NEK11: variants seen among roughly 807,000 people sequenced by gnomAD.
NEK11 encodes serine/threonine-protein kinase Nek11.
In NEK11, 72 loss-of-function variants were observed where a neutral mutation model predicts 80.7. That is an observed-to-expected ratio of 0.89 (90% CI 0.74 to 1.08). NEK11 has a LOEUF of 1.08. Ranked by LOEUF, NEK11 falls within the 50% of genes least tolerant of loss-of-function variation. NEK11 has a pLI of 0.00. For missense variants in NEK11, 764 were observed against 763.6 expected (o/e 1.00, Z -0.01); for synonymous variants, 251 against 260.7 (o/e 0.96, Z 0.36).
intron 14 of NEK11, among the ~76,000 whole-genome samples, chr3:131,214,707 G>GTGTGTA (rs1021792044): frequency 3.3e-5 from 5 of 151,638 alleles, no homozygotes; most frequent in African/African-American, 1.2e-4. Context: ...GTGTGTGTGT[G>GTGTGTA]TGTGTGTGTG....
intron 4 of NEK11, among the ~76,000 whole-genome samples, chr3:131,097,069 A>C (rs372825673): frequency 6.6e-6 from 1 of 151,622 alleles, no homozygotes; most frequent in Non-Finnish European, 1.5e-5. Flanking sequence ...TGAACTCATC[A>C]TTTTTTATGG....
chr3:131,316,079 T>C (rs1554009726), intron 17 of NEK11, among the ~76,000 whole-genome samples: 2 of 152,182 alleles, frequency 1.3e-5, no homozygotes, highest in Non-Finnish European at 2.9e-5. Context: ...ATACACCAGG[T>C]AGACAGACAG....
intron 7 of NEK11, among the ~76,000 whole-genome samples, chr3:131,140,687 C>A (rs116445162): frequency 6.6e-6 from 1 of 152,238 alleles, no homozygotes; most frequent in Non-Finnish European, 1.5e-5. Context: ...TCAAAAGGCT[C>A]AATAAATTGC....
intron 5 of NEK11, among the ~76,000 whole-genome samples, chr3:131,116,721 G>A: frequency 6.6e-6 from 1 of 152,128 alleles, no homozygotes. Context: ...TTTCTCTGAT[G>A]GCCAGTGATG....
chr3:131,168,442 C>T (rs904231420), intron 12 of NEK11, among the ~76,000 whole-genome samples: 2 of 149,846 alleles, frequency 1.3e-5, no homozygotes, highest in South Asian at 2.1e-4. Context: ...CTGCAAGCTC[C>T]GCCTCCCGGG....
intron 3 of NEK11, among the ~76,000 whole-genome samples, chr3:131,057,195 T>G (rs2069708916): frequency 6.6e-6 from 1 of 152,002 alleles, no homozygotes; most frequent in African/African-American, 2.4e-5. Flanking sequence ...ATTTCATCCA[T>G]GTCCCTACAA....
intron 3 of NEK11, among the ~76,000 whole-genome samples, chr3:131,040,792 T>G (rs987832206): frequency 3.3e-5 from 5 of 152,216 alleles, no homozygotes; most frequent in Non-Finnish European, 7.4e-5. Context: ...GTGGAAAATT[T>G]GGAACATTGA....
At chr3:131,300,570 A>AG in intron 17 of NEK11, among the ~76,000 whole-genome samples, 1 of 152,294 alleles carries the variant, frequency 6.6e-6, no homozygotes, top group Admixed American at 6.5e-5. Flanking sequence ...GGTATAAGGA[A>AG]GGGGTCCAGT....
intron 3 of NEK11, among the ~76,000 whole-genome samples, chr3:131,069,341 T>G (rs2072739593): frequency 6.6e-6 from 1 of 152,208 alleles, no homozygotes; most frequent in Non-Finnish European, 1.5e-5. Flanking sequence ...TCTGCAATTC[T>G]TGTATTTTTC....
intron 17 of NEK11, among the ~76,000 whole-genome samples, chr3:131,286,916 C>T (rs1356211131): frequency 1.3e-5 from 2 of 152,174 alleles, no homozygotes; most frequent in Non-Finnish European, 2.9e-5. Context: ...GTGAGGGGCA[C>T]ATGCAGGTAA....
At chr3:131,334,538 T>TA (rs1226798163) in intron 17 of NEK11, among the ~76,000 whole-genome samples, 3 of 150,856 alleles carry the variant, frequency 2.0e-5, no homozygotes, top group Non-Finnish European at 3.0e-5. Context: ...ATTGACACCC[T>TA]AACATCACAA....
At chr3:131,263,538 T>C (rs1032709379) in intron 16 of NEK11, among the ~76,000 whole-genome samples, 7 of 152,170 alleles carry the variant, frequency 4.6e-5, no homozygotes, top group Non-Finnish European at 8.8e-5. Flanking sequence ...TAGGATTGTC[T>C]TGGCAATGTG....
intron 17 of NEK11, among the ~76,000 whole-genome samples, chr3:131,305,268 G>A (rs578004595): frequency 1.3e-5 from 2 of 152,242 alleles, no homozygotes; most frequent in Admixed American, 1.3e-4. Flanking sequence ...AGCTTCAGGT[G>A]AGCTGGTGTG....
intron 17 of NEK11, among the ~76,000 whole-genome samples, chr3:131,331,564 T>C (rs1316814353): frequency 1.3e-5 from 2 of 152,206 alleles, no homozygotes; most frequent in African/African-American, 2.4e-5. Flanking sequence ...CATTTCCATC[T>C]GAGGTACCAG....
At chr3:131,083,162 A>G (rs759551540) in intron 4 of NEK11, among the ~76,000 whole-genome samples, 4 of 152,220 alleles carry the variant, frequency 2.6e-5, no homozygotes, top group Non-Finnish European at 5.9e-5. Flanking sequence ...AATGAGCCCA[A>G]AGCATACTGA....
chr3:131,241,693 T>A (rs1285489123), intron 15 of NEK11, among the ~76,000 whole-genome samples: 1 of 151,786 alleles, frequency 6.6e-6, no homozygotes, highest in African/African-American at 2.4e-5. Context: ...CATTGTACTG[T>A]TTTTTTGTGT....
intron 16 of NEK11, among the ~76,000 whole-genome samples, chr3:131,251,615 A>G (rs1468105658): frequency 6.6e-6 from 1 of 152,112 alleles, no homozygotes; most frequent in Non-Finnish European, 1.5e-5. Flanking sequence ...AGTTTTGGAT[A>G]CCTTTACTCT....
intron 7 of NEK11, among the ~76,000 whole-genome samples, chr3:131,134,493 T>C (rs2085144607): frequency 6.6e-6 from 1 of 151,864 alleles, no homozygotes; most frequent in African/African-American, 2.4e-5. Flanking sequence ...CTCCACCTCT[T>C]GGGTTCAAGC....
chr3:131,211,934 C>T (rs2094634085), intron 14 of NEK11, among the ~76,000 whole-genome samples: 1 of 152,052 alleles, frequency 6.6e-6, no homozygotes, highest in Admixed American at 6.5e-5. Context: ...GGAGAAGTTT[C>T]TTATTACCGA....
Sources: allele counts gnomAD v4.1 joint callset (sites outside exome capture counted in the v4.1 genomes callset), GRCh38; gene constraint gnomAD v4.1.1; transcripts MANE v1.5; gene names NCBI Gene and HGNC (gene_info 2026-07-23, HGNC 2026-07-21).